Variants in CELF2 observed in about 807,000 individuals in gnomAD.
CELF2 encodes the protein CUGBP Elav-like family member 2.
CELF2 carries 8 observed loss-of-function variants against 62.6 expected under a neutral mutation model. That is an observed-to-expected ratio of 0.13 (90% CI 0.07 to 0.23). The LOEUF is 0.23. Ranked by LOEUF, CELF2 falls within the 10% of genes least tolerant of loss-of-function variation. CELF2 has a pLI of 1.00. For missense variants in CELF2, 333 were observed against 671.0 expected (o/e 0.50, Z 5.56); for synonymous variants, 258 against 250.0 (o/e 1.03, Z -0.30).
At chr10:11,043,782 A>T (rs1015210425) in intron 1 of CELF2, among the ~76,000 whole-genome samples, 1 of 152,130 alleles carries the variant, frequency 6.6e-6, no homozygotes, top group Non-Finnish European at 1.5e-5. Context: ...TCCCATCTGG[A>T]CTGGTCACCC....
At chr10:10,726,360 G>A in the CELF2 span, among the ~76,000 whole-genome samples, 2 of 152,106 alleles carry the variant, frequency 1.3e-5, no homozygotes, top group African/African-American at 4.8e-5. Context: ...TGATCCTCTG[G>A]CTAGACAGAG....
intron 1 of CELF2, among the ~76,000 whole-genome samples, chr10:10,875,737 G>A (rs1191516872): frequency 2.0e-5 from 3 of 152,114 alleles, no homozygotes; most frequent in African/African-American, 4.8e-5. Flanking sequence ...ATAAAGTACA[G>A]TATGTTATTT....
chr10:11,280,989 C>CGTGCGT lies in CELF2; in HGVS notation c.841+5872_841+5873insCGTGTG, dbSNP rs372657262. 2.1e-5 allele frequency among the ~76,000 whole-genome samples: 3 copies of CGTGCGT among 144,400 alleles called. No homozygotes were observed. Among genetic ancestry groups the CGTGCGT allele is most frequent in the Non-Finnish European group, 4.6e-5 (3 of 65,510 alleles). 94.7% of individuals were successfully genotyped at this position (144,400 alleles called of 152,430 possible). A position where few individuals can be genotyped will look rare whatever the true frequency, so the allele number is the denominator to read the frequency against. Reference sequence around the variant, plus strand: ...TGGCGTGCGTGTGCATGCCTGTGTGCGTGTGTGTGTGTGTGTGTGTGTGTG... The same window carrying CGTGCGT: ...TGGCGTGCGTGTGCATGCCTGTGTGCGTGCGTGTGTGTGTGTGTGTGTGTGTGTGTG... On this transcript the variant is annotated intron_variant, in intron 8 of 12. Transcript: ENST00000633077. This position sits in a 1 kb window ranked among gnomAD's most constrained non-coding sequence, Gnocchi z 7.6.
intron 1 of CELF2, among the ~76,000 whole-genome samples, chr10:11,024,214 C>A (rs1239051356): frequency 6.6e-6 from 1 of 152,184 alleles, no homozygotes; most frequent in African/African-American, 2.4e-5. Flanking sequence ...AGATCAGCAG[C>A]CCAGGAGTCA....
intron 1 of CELF2, among the ~76,000 whole-genome samples, chr10:10,850,588 T>C (rs574838262): frequency 6.6e-6 from 1 of 152,322 alleles, no homozygotes; most frequent in African/African-American, 2.4e-5. Flanking sequence ...CTAGGAAGGA[T>C]GTTTGAATAT....
intron 1 of CELF2, among the ~76,000 whole-genome samples, chr10:11,045,984 A>G (rs2062761176): frequency 6.6e-6 from 1 of 152,206 alleles, no homozygotes; most frequent in Admixed American, 6.5e-5. Flanking sequence ...CTCTAGGGGT[A>G]GAGGTGAAAG....
At chr10:10,613,110 T>A in the CELF2 span, among the ~76,000 whole-genome samples, 2 of 149,012 alleles carry the variant, frequency 1.3e-5, no homozygotes, top group Non-Finnish European at 1.5e-5. Context: ...GCTTCGAAAC[T>A]CTTAGCTCAG....
the CELF2 span, among the ~76,000 whole-genome samples, chr10:10,548,327 A>AT: frequency 1.3e-5 from 2 of 152,220 alleles, no homozygotes; most frequent in African/African-American, 4.8e-5. Flanking sequence ...CCTGGAGGGC[A>AT]TTAGTCATAG....
In CELF2 at chr10:11,110,291, TTTTG is replaced by T. The variant is rs1277561367; in HGVS notation, c.75-55192_75-55189del. Among the ~76,000 whole-genome samples the T allele has an allele frequency of 1.3e-5, 2 of 152,126 alleles. No homozygotes were observed. Among genetic ancestry groups the T allele is most frequent in the African/African-American group, 4.8e-5 (2 of 41,434 alleles). ...CATGTCTTAAAAAAAAAAATCTGCT[TTTTG>T]TTCTTTTCTAGCTACATTACATCTT... On this transcript the variant is annotated intron_variant, in intron 1 of 12. Coordinates refer to ENST00000633077, the MANE Select transcript of CELF2 (RefSeq NM_001326342.2). This position sits in a 1 kb window ranked among gnomAD's most constrained non-coding sequence, Gnocchi z 4.0.
At chr10:10,924,412 G>A (rs1363834904) in intron 2 of CELF2, among the ~76,000 whole-genome samples, 1 of 150,070 alleles carries the variant, frequency 6.7e-6, no homozygotes, top group Admixed American at 6.7e-5. Flanking sequence ...TGTTAACAGA[G>A]TCCACTGTTT....
chr10:11,203,946 T>C (rs2059846177), intron 2 of CELF2, among the ~76,000 whole-genome samples: 1 of 152,246 alleles, frequency 6.6e-6, no homozygotes, highest in Non-Finnish European at 1.5e-5. Flanking sequence ...AATATGAATC[T>C]GAGCCTCCAA....
intron 9 of CELF2, among the ~76,000 whole-genome samples, chr10:11,294,143 G>A (rs533021854): frequency 6.6e-6 from 1 of 152,324 alleles, no homozygotes; most frequent in African/African-American, 2.4e-5. Context: ...CTTTCAAAAT[G>A]TTCTGATGTC....
At chr10:11,201,785 C>A (rs986233393) in intron 2 of CELF2, among the ~76,000 whole-genome samples, 1 of 152,224 alleles carries the variant, frequency 6.6e-6, no homozygotes, top group African/African-American at 2.4e-5. Context: ...AGGGGCATGG[C>A]TTGGCTCCAA....
Position 11,268,550 on chromosome 10 carries a change from G to A in CELF2, c.618+1873G>A, listed in dbSNP as rs760935020. Reference sequence around the variant, plus strand: ...ACAGTAGGTTCCCATCATGTAAAGAGTTGGTTTGACCACTGGGGCATATTT... The same window carrying A: ...ACAGTAGGTTCCCATCATGTAAAGAATTGGTTTGACCACTGGGGCATATTT... On this transcript the variant is annotated intron_variant, in intron 6 of 12. Transcript: ENST00000633077. The surrounding 1 kb of genome is among the most constrained non-coding windows in gnomAD (Gnocchi z 4.7). Among the ~76,000 whole-genome samples the A allele has an allele frequency of 2.0e-5, 3 of 152,184 alleles. No individual in the cohort carries two copies. Among genetic ancestry groups the A allele is most frequent in the Admixed American group, 6.5e-5 (1 of 15,286 alleles).
upstream of CELF2, among the ~76,000 whole-genome samples, chr10:11,001,077 CCTA>C (rs1446940667): frequency 1.3e-5 from 2 of 152,166 alleles, no homozygotes; most frequent in African/African-American, 4.8e-5. Context: ...TCACCGAGCT[CCTA>C]CTATGTATCA....
intron 9 of CELF2, among the ~76,000 whole-genome samples, chr10:11,288,941 CT>C (rs2091999460): frequency 1.3e-5 from 2 of 152,164 alleles, no homozygotes. Flanking sequence ...TTCAAAATTC[CT>C]AGTCATTCCC....
chr10:10,567,663 G>A, the CELF2 span, among the ~76,000 whole-genome samples: 3 of 152,194 alleles, frequency 2.0e-5, no homozygotes, highest in East Asian at 1.9e-4. Flanking sequence ...CTCAGGCGTC[G>A]ATGCCTGAAT....
At chr10:10,480,591 G>T in the CELF2 span, among the ~76,000 whole-genome samples, 4 of 152,160 alleles carry the variant, frequency 2.6e-5, no homozygotes, top group African/African-American at 9.7e-5. Context: ...TGAGCAAGAT[G>T]CTACCTAATT....
At chr10:10,648,171 T>A in the CELF2 span, among the ~76,000 whole-genome samples, 2 of 152,190 alleles carry the variant, frequency 1.3e-5, no homozygotes, top group Non-Finnish European at 2.9e-5. Context: ...CAGTAGCACC[T>A]CATCCCCATG....
Sources: gnomAD v4.1 joint callset for allele counts (sites outside exome capture counted in the v4.1 genomes callset) on GRCh38, gnomAD v4.1.1 for gene constraint, Gnocchi (gnomAD v3.1) non-coding constraint, MANE v1.5 for transcripts, NCBI Gene and HGNC (gene_info 2026-07-23, HGNC 2026-07-21) for gene names.